Variants in UAP1 observed in about 807,000 individuals in gnomAD.
UAP1 encodes UDP-N-acetylglucosamine pyrophosphorylase 1, also known as UDP-N-acetylhexosamine pyrophosphorylase.
UAP1 carries 25 observed loss-of-function variants against 58.5 expected under a neutral mutation model. The ratio of observed to expected loss-of-function variants is 0.43; its 90% CI spans 0.31 to 0.60. UAP1 has a LOEUF of 0.60. Among genes scored for constraint, UAP1 ranks in the 20% least tolerant of loss-of-function variants. The pLI is 0.11. For synonymous variants in UAP1, 208 were observed against 213.0 expected (o/e 0.98, Z 0.21); for missense variants, 575 against 630.0 (o/e 0.91, Z 0.93).
At chr1:162,586,088 A>G (rs774353696) in intron 5 of UAP1, among the ~76,000 whole-genome samples, 2 of 152,154 alleles carry the variant, frequency 1.3e-5, no homozygotes, top group Non-Finnish European at 2.9e-5. Context: ...CTCAGTGCCT[A>G]TATCTCTAAT....
rs543563253 is a variant in UAP1, at chr1:162,585,358, A to G, written c.835-2117A>G. 2.6e-5 allele frequency among the ~76,000 whole-genome samples: 4 copies of G among 152,074 alleles called. No homozygotes were observed. In the South Asian group the frequency reaches 8.3e-4, roughly 32 times the overall value. On this transcript the variant is annotated intron_variant, in intron 5 of 10. Coordinates refer to ENST00000271469, the Ensembl canonical transcript of UAP1. ...CTGCAATCTCTGCCTCCCAGGTTCAAGTGATTCTGCTGCCTCAGCCTCCTG... is the reference window on the plus strand; with the variant it reads ...CTGCAATCTCTGCCTCCCAGGTTCAGGTGATTCTGCTGCCTCAGCCTCCTG...
intron 5 of UAP1, among the ~76,000 whole-genome samples, chr1:162,587,054 T>G (rs759500137): frequency 5.3e-5 from 8 of 152,170 alleles, no homozygotes; most frequent in Non-Finnish European, 7.3e-5. Flanking sequence ...AATGCCTAAC[T>G]TAGGTCTTTT....
At chr1:162,574,097 T>C (rs1220749383) in intron 2 of UAP1, among the ~76,000 whole-genome samples, 1 of 148,954 alleles carries the variant, frequency 6.7e-6, no homozygotes, top group African/African-American at 2.4e-5. Context: ...TCTTTTCTTT[T>C]TTTTTTTTTT....
At chr1:162,594,509 G>A (rs1398304321) in intron 9 of UAP1, among the ~76,000 whole-genome samples, 1 of 152,180 alleles carries the variant, frequency 6.6e-6, no homozygotes, top group African/African-American at 2.4e-5. Flanking sequence ...CCCAGGGGTT[G>A]GGGACCGCTG....
rs773031494 is a variant in UAP1 at position 162,587,583 on chromosome 1, C to T, written c.943C>T (p.Arg315Ter). 4 of 1,614,144 alleles carry T rather than the reference C, an allele frequency of 2.5e-6. No homozygotes were observed. The highest frequency in any genetic ancestry group is 2.7e-5 in the African/African-American group (2 of 75,046). ...GATTTCCCTGGCAACAGCTCAAAAA[C>T]GAAGCTCAGACGGACGACTGCTGTT... Residue 315 changes from arginine (R) to a stop codon, truncating the protein, a stop_gained, in exon 6 of 11, where the codon CGA becomes TGA. Transcript: ENST00000271469. LOFTEE classifies it high-confidence loss of function.
Position 162,569,531 on chromosome 1 carries a change from A to G in UAP1, c.280+3183A>G, listed in dbSNP as rs7556587. 9.2e-3 allele frequency among the ~76,000 whole-genome samples: 1,402 copies of G among 152,370 alleles called. 26 individuals are homozygous for G. Among genetic ancestry groups the G allele is most frequent in the African/African-American group, 0.031 (1,310 of 41,596 alleles). ...AAGCTGAGATCTTGAAAGAGAAGTA[A>G]TTATAAGCTTTGAGAATGCTGTATT... On this transcript the variant is annotated intron_variant, in intron 2 of 10. Transcript: ENST00000271469.
At chr1:162,566,177 C>A in exon 2 of UAP1, 1 of 1,614,110 alleles carries the variant, frequency 6.2e-7, no homozygotes, top group Non-Finnish European at 8.5e-7. Flanking sequence ...TTATGCAGAG[C>A]TCCAGGCCAT....
At chr1:162,585,623 C>G (rs1216758718) in intron 5 of UAP1, among the ~76,000 whole-genome samples, 1 of 152,112 alleles carries the variant, frequency 6.6e-6, no homozygotes, top group East Asian at 1.9e-4. Context: ...TTTACAAATG[C>G]TTTCTTCTGT....
chr1:162,588,923 A>C, intron 7 of UAP1, 90 bp downstream of exon 7: 1 of 1,267,968 alleles, frequency 7.9e-7, no homozygotes, highest in Non-Finnish European at 1.1e-6. Context: ...TTCAGGAAAC[A>C]TTTGATAGCA....
rs747652873 is a variant in UAP1 at position 162,577,031 on chromosome 1, A to C, written c.485+50A>C. 3 of 1,538,126 alleles carry C rather than the reference A, an allele frequency of 2.0e-6. No homozygotes were observed. In the East Asian group the frequency reaches 6.8e-5, roughly 35 times the overall value. ...TGTGTCTGAACATATATTGTTTTAT[A>C]ATATTCAAAATGCATATATACTTTA... On this transcript the variant is annotated intron_variant, in intron 3 of 10. Coordinates refer to ENST00000271469, the Ensembl canonical transcript of UAP1.
At position 162,588,783 on chromosome 1, in the gene UAP1, CA is replaced by C; in HGVS notation, c.1121del (p.Asn374MetfsTer3). The C allele has an allele frequency of 6.2e-7, 1 of 1,611,882 alleles. No individual in the cohort carries two copies. The highest frequency in any genetic ancestry group is 8.5e-7 in the Non-Finnish European group (1 of 1,179,096). ...GACAGTTAATTAAGCCAGACAAACC[CA>C]ATGGAATAAAGATGGAAAAATTTGT... On this transcript the variant is annotated frameshift_variant, in exon 7 of 11. Coordinates refer to ENST00000271469, the Ensembl canonical transcript of UAP1. LOFTEE classifies it high-confidence loss of function.
intron 2 of UAP1, 72 bp downstream of exon 2, chr1:162,566,420 A>G (rs1653511241): frequency 1.4e-6 from 2 of 1,453,626 alleles, no homozygotes; most frequent in Non-Finnish European, 1.9e-6. Flanking sequence ...TAGCTGGATC[A>G]TGTCACTAAT....
intron 4 of UAP1, 132 bp downstream of exon 4, chr1:162,579,735 A>G (rs2101782506): frequency 1.2e-6 from 1 of 815,936 alleles, no homozygotes; most frequent in Non-Finnish European, 1.8e-6. Flanking sequence ...CAGCTTGGAA[A>G]TGATTTAAAA....
downstream of UAP1, among the ~76,000 whole-genome samples, chr1:162,600,877 C>T (rs766969047): frequency 1.1e-4 from 17 of 152,150 alleles, no homozygotes; most frequent in Non-Finnish European, 2.4e-4. Flanking sequence ...GTCTTTAGCT[C>T]CTGAATGCCA....
chr1:162,581,320 C>T (rs771011438), exon 5 of UAP1: 5 of 1,613,212 alleles, frequency 3.1e-6, no homozygotes, highest in East Asian at 2.2e-5. Flanking sequence ...GCACTTGCAG[C>T]CCAGAATATT....
chr1:162,596,289 C>T (rs1323497904), intron 9 of UAP1, among the ~76,000 whole-genome samples: 1 of 152,080 alleles, frequency 6.6e-6, no homozygotes, highest in Admixed American at 6.6e-5. Context: ...GATTCTCCTG[C>T]CTCAGCCTCC....
chr1:162,593,946 C>G (rs1655476905), intron 9 of UAP1, among the ~76,000 whole-genome samples: 1 of 152,034 alleles, frequency 6.6e-6, no homozygotes. Flanking sequence ...GGATGTGATT[C>G]TGTAAACAAG....
chr1:162,600,453 C>T (rs1309168934), downstream of UAP1, among the ~76,000 whole-genome samples: 1 of 151,970 alleles, frequency 6.6e-6, no homozygotes, highest in Non-Finnish European at 1.5e-5. Context: ...ATGCTGTTTG[C>T]ATGAAAAGAC....
intron 1 of UAP1, among the ~76,000 whole-genome samples, chr1:162,562,865 C>G (rs546112484): frequency 1.3e-5 from 2 of 152,034 alleles, no homozygotes; most frequent in African/African-American, 2.4e-5. Context: ...CGAGGGCATA[C>G]GTATACCAGC....
Sources: allele counts gnomAD v4.1 joint callset (sites outside exome capture counted in the v4.1 genomes callset), GRCh38; gene constraint gnomAD v4.1.1; transcripts MANE v1.5; gene names NCBI Gene and HGNC (gene_info 2026-07-23, HGNC 2026-07-21).